PPME1: variants seen among roughly 807,000 people sequenced by gnomAD.
PPME1 encodes the protein testicular secretory protein Li 39.
PPME1 carries 17 observed loss-of-function variants against 56.9 expected under a neutral mutation model. That is an observed-to-expected ratio of 0.30 (90% CI 0.20 to 0.45). The LOEUF is 0.45. Among genes scored for constraint, PPME1 ranks in the 20% least tolerant of loss-of-function variants. The pLI is 1.00. For synonymous variants in PPME1, 122 were observed against 156.2 expected (o/e 0.78, Z 1.63); for missense variants, 357 against 483.2 (o/e 0.74, Z 2.45).
chr11:74,183,209 A>T (rs534067054), intron 1 of PPME1, among the ~76,000 whole-genome samples: 1 of 152,240 alleles, frequency 6.6e-6, no homozygotes, highest in South Asian at 2.1e-4. Flanking sequence ...AGGTGGGAGG[A>T]TGAATTGAGC....
intron 1 of PPME1, among the ~76,000 whole-genome samples, chr11:74,181,030 CTTTTTTTTTTTT>C (rs1005872237): frequency 1.2e-4 from 12 of 96,156 alleles, no homozygotes; most frequent in Middle Eastern, 8.9e-3. Context: ...ATTTTCTTCA[CTTTTTTTTTTTT>C]TTTTTTTTTT....
chr11:74,203,917 A>G, intron 2 of PPME1, 96 bp downstream of exon 2: 1 of 857,250 alleles, frequency 1.2e-6, no homozygotes, highest in South Asian at 2.0e-5. Context: ...TATTCCTGCT[A>G]CTTATTTCAC....
Position 74,246,175 on chromosome 11 carries a change from T to G in PPME1, c.934T>G (p.Cys312Gly). Reference sequence around the variant, plus strand: ...AGGCTTATCCAATCTCTTTCTTAGTTGTCCCATTCCTAAATTGCTGCTCTT... The same window carrying G: ...AGGCTTATCCAATCTCTTTCTTAGTGGTCCCATTCCTAAATTGCTGCTCTT... ...FRGLSNLFLS[C>G]PIPKLLLLAG... The change falls in exon 10 of 14, where the codon TGT (cysteine) becomes GGT (glycine). Residue 312 changes from cysteine (C) to glycine (G), a missense_variant. Coordinates refer to ENST00000328257, the MANE Select transcript of PPME1 (RefSeq NM_016147.3). 1.3e-6 allele frequency: 2 copies of G among 1,552,456 alleles called. No individual in the cohort carries two copies. Among genetic ancestry groups the G allele is most frequent in the Non-Finnish European group, 1.7e-6 (2 of 1,147,170 alleles).
chr11:74,238,983 C>A, intron 8 of PPME1, 150 bp from the exon 9 acceptor site: 1 of 774,650 alleles, frequency 1.3e-6, no homozygotes, highest in Non-Finnish European at 2.0e-6. Flanking sequence ...TTTTCCACAG[C>A]CCTGGAAATG....
At position 74,214,365 on chromosome 11, in the gene PPME1, G is replaced by A. The variant is rs555375391; in HGVS notation, c.289-7947G>A. Among the ~76,000 whole-genome samples, 159 of 152,266 alleles carry A rather than the reference G, an allele frequency of 1.0e-3. 1 individual carries two copies. The highest frequency in any genetic ancestry group is 3.7e-3 in the African/African-American group (152 of 41,546). Reference sequence around the variant, plus strand: ...CTCAAAAGGGCAAATTTAAGAGTTAGTGGTCTTAAAGAGGAGGTAGAGAGA... The same window carrying A: ...CTCAAAAGGGCAAATTTAAGAGTTAATGGTCTTAAAGAGGAGGTAGAGAGA... On this transcript the variant is annotated intron_variant, in intron 3 of 13. Transcript: ENST00000328257.
intron 7 of PPME1, among the ~76,000 whole-genome samples, chr11:74,235,301 C>T (rs565230139): frequency 7.2e-5 from 11 of 152,246 alleles, no homozygotes; most frequent in Non-Finnish European, 1.5e-4. Context: ...TAGCACGGCA[C>T]ACAAGGCCCT....
intron 5 of PPME1, 94 bp downstream of exon 5, chr11:74,225,350 G>T: frequency 1.1e-6 from 1 of 923,058 alleles, no homozygotes; most frequent in Non-Finnish European, 1.6e-6. Flanking sequence ...AGATTGTTGG[G>T]GAATAATTAC....
At chr11:74,223,492 G>C (rs1264023128) in intron 4 of PPME1, among the ~76,000 whole-genome samples, 3 of 135,096 alleles carry the variant, frequency 2.2e-5, no homozygotes, top group South Asian at 2.2e-4. Flanking sequence ...GGTATTTCTA[G>C]TTCTAGATCC....
chr11:74,203,875 T>G, intron 2 of PPME1, 54 bp downstream of exon 2: 1 of 1,302,312 alleles, frequency 7.7e-7, no homozygotes, highest in East Asian at 2.4e-5. Context: ...TTGTCTAAGT[T>G]AAAAGACTTG....
rs545961831 is a variant in PPME1 at position 74,206,707 on chromosome 11, C to CAT, written c.288+2263_288+2264insTA. On this transcript the variant is annotated intron_variant, in intron 3 of 13. Transcript: ENST00000328257. ...TCAGCCTCCCAAGTAGCTAGGACTA[C>CAT]AGGTGTGCACCACCACTCCCAGCTA... 2.2e-3 allele frequency among the ~76,000 whole-genome samples: 331 copies of CAT among 152,248 alleles called. 2 individuals are homozygous for CAT. Among genetic ancestry groups the CAT allele is most frequent in the African/African-American group, 5.4e-3 (224 of 41,554 alleles).
intron 4 of PPME1, among the ~76,000 whole-genome samples, chr11:74,223,955 C>T (rs1182205494): frequency 6.6e-6 from 1 of 151,584 alleles, no homozygotes; most frequent in Non-Finnish European, 1.5e-5. Flanking sequence ...TAATTAGATC[C>T]CATTTGTCAA....
intron 1 of PPME1, among the ~76,000 whole-genome samples, chr11:74,199,838 A>G (rs972271929): frequency 1.3e-5 from 2 of 152,182 alleles, no homozygotes; most frequent in African/African-American, 4.8e-5. Flanking sequence ...ATTGAGACCC[A>G]AGTGAAAGGG....
intron 1 of PPME1, among the ~76,000 whole-genome samples, chr11:74,186,455 C>G (rs1857684818): frequency 6.6e-6 from 1 of 152,014 alleles, no homozygotes; most frequent in Non-Finnish European, 1.5e-5. Context: ...AGGAAATAAC[C>G]CTGAGAGTCA....
chr11:74,213,360 C>T (rs7925320), intron 3 of PPME1, among the ~76,000 whole-genome samples: 15,910 of 152,222 alleles, frequency 0.1, 2,176 homozygotes, highest in African/African-American at 0.32. Flanking sequence ...AATTCCAAGC[C>T]CTGGCTCCTG....
Position 74,204,226 on chromosome 11 carries a change from T to G in PPME1, c.196-127T>G, listed in dbSNP as rs1394386688. 4.6e-6 allele frequency: 3 copies of G among 652,216 alleles called. No individual in the cohort carries two copies. The African/African-American group carries it at 5.5e-5, about 12-fold the overall frequency. The allele number at this position is 652,216 out of a possible 1,614,324, so 40.4% of individuals were successfully genotyped here. The stretch of plus-strand genomic sequence containing the variant: ...AGAGGGTTAGTGTCTCAGAAAAGTC[T>G]GCTTACATCTCTTACATTTGGCAGT... On this transcript the variant is annotated intron_variant, in intron 2 of 13. Coordinates refer to ENST00000328257, the MANE Select transcript of PPME1 (RefSeq NM_016147.3).
intron 1 of PPME1, among the ~76,000 whole-genome samples, chr11:74,191,016 G>A (rs1354425964): frequency 6.6e-6 from 1 of 152,186 alleles, no homozygotes; most frequent in Non-Finnish European, 1.5e-5. Context: ...GAGGTGACCT[G>A]GCTGCTTCTC....
At chr11:74,247,210 C>T (rs957131749) in intron 11 of PPME1, 87 bp downstream of exon 11, 19 of 1,227,448 alleles carry the variant, frequency 1.5e-5, no homozygotes, top group African/African-American at 1.5e-4. Context: ...TGAGGTATAA[C>T]GGAGAAAGCA....
intron 8 of PPME1, among the ~76,000 whole-genome samples, chr11:74,236,268 C>T (rs77518146): frequency 6.6e-6 from 1 of 152,046 alleles, no homozygotes; most frequent in Non-Finnish European, 1.5e-5. Flanking sequence ...TTATGTTAAC[C>T]TTAGTGATAG....
chr11:74,224,801 T>C (rs1385484949), intron 4 of PPME1, among the ~76,000 whole-genome samples: 1 of 150,532 alleles, frequency 6.6e-6, no homozygotes, highest in Non-Finnish European at 1.5e-5. Context: ...TTTTGTATCC[T>C]GAGACTTTGC....
Sources: gnomAD v4.1 joint callset for allele counts (sites outside exome capture counted in the v4.1 genomes callset) on GRCh38, gnomAD v4.1.1 for gene constraint, MANE v1.5 for transcripts, NCBI Gene and HGNC (gene_info 2026-07-23, HGNC 2026-07-21) for gene names.